ESR1: variants seen among roughly 807,000 people sequenced by gnomAD.
The protein encoded by ESR1 is estrogen receptor.
A neutral mutation model predicts 52.7 loss-of-function variants in ESR1; 12 were observed. The observed-to-expected ratio is 0.23, with a 90% confidence interval of 0.15 to 0.37. The LOEUF is 0.37. Ranked by LOEUF, ESR1 falls within the 10% of genes least tolerant of loss-of-function variation. ESR1 has a pLI of 1.00. For synonymous variants in ESR1, 305 were observed against 316.8 expected (o/e 0.96, Z 0.39); for missense variants, 584 against 779.7 (o/e 0.75, Z 2.99).
At chr6:151,784,377 T>C (rs1786821864) in intron 2 of ESR1, among the ~76,000 whole-genome samples, 1 of 152,220 alleles carries the variant, frequency 6.6e-6, no homozygotes, top group Non-Finnish European at 1.5e-5. Flanking sequence ...GTTCAAATTG[T>C]TCCAGCTTCT....
intron 4 of ESR1, among the ~76,000 whole-genome samples, chr6:151,967,208 AG>A (rs2038367139): frequency 6.6e-6 from 1 of 152,128 alleles, no homozygotes; most frequent in African/African-American, 2.4e-5. Context: ...TTATACTGTA[AG>A]TTCTGGGATA....
intron 5 of ESR1, among the ~76,000 whole-genome samples, chr6:152,028,444 C>G (rs1271959478): frequency 2.6e-5 from 4 of 152,150 alleles, no homozygotes; most frequent in Non-Finnish European, 4.4e-5. Context: ...TCACTCCCAC[C>G]CTAATACTGG....
At chr6:151,885,425 G>A (rs925485736) in intron 3 of ESR1, among the ~76,000 whole-genome samples, 2 of 152,186 alleles carry the variant, frequency 1.3e-5, no homozygotes, top group Non-Finnish European at 2.9e-5. Context: ...ACTCAAGAAT[G>A]TGGCCTTTTT....
chr6:151,908,602 A>G (rs569516317), intron 3 of ESR1, among the ~76,000 whole-genome samples: 2 of 152,292 alleles, frequency 1.3e-5, no homozygotes. Context: ...TTAAAACTGA[A>G]GCGTGGATAA....
At chr6:152,129,400 A>C (rs1183846684) in exon 7 of ESR1, 1 of 152,250 alleles carries the variant, frequency 6.6e-6, no homozygotes, top group Non-Finnish European at 1.5e-5. Flanking sequence ...TTGTGGGGAA[A>C]AGATGGACTA....
intron 2 of ESR1, among the ~76,000 whole-genome samples, chr6:151,703,740 C>T (rs748896369): frequency 2.0e-5 from 3 of 152,186 alleles, no homozygotes; most frequent in Non-Finnish European, 4.4e-5. Context: ...GTATGGATCT[C>T]ATACCATTTT....
chr6:151,742,216 C>T (rs1040443505), intron 2 of ESR1, among the ~76,000 whole-genome samples: 2 of 152,140 alleles, frequency 1.3e-5, no homozygotes, highest in Non-Finnish European at 2.9e-5. Context: ...CTGCAATGAA[C>T]ACGGGGGTGC....
intron 2 of ESR1, among the ~76,000 whole-genome samples, chr6:151,862,503 C>G (rs1406469639): frequency 1.3e-5 from 2 of 152,104 alleles, no homozygotes; most frequent in African/African-American, 2.4e-5. Context: ...CCAGGTGTAG[C>G]ATGAAGGTTA....
At chr6:151,793,487 CAT>C (rs1221788282) in intron 2 of ESR1, among the ~76,000 whole-genome samples, 1 of 152,122 alleles carries the variant, frequency 6.6e-6, no homozygotes, top group Non-Finnish European at 1.5e-5. Flanking sequence ...ATAAATTAGT[CAT>C]ATAGTCATTT....
intron 6 of ESR1, among the ~76,000 whole-genome samples, chr6:152,084,593 A>C (rs1408702871): frequency 6.6e-6 from 1 of 152,110 alleles, no homozygotes; most frequent in Non-Finnish European, 1.5e-5. Context: ...ACACACACAG[A>C]AGTATATCTT....
rs567908056 is a variant in ESR1 at position 151,931,750 on chromosome 6, A to G, written c.761-12423A>G. On this transcript the variant is annotated intron_variant, in intron 3 of 7. Coordinates refer to ENST00000206249, the MANE Select transcript of ESR1 (RefSeq NM_000125.4). The stretch of plus-strand genomic sequence containing the variant: ...AGTTTACTGAGAATGATGATTTCCA[A>G]TTTCATCCATGTCCCTACAAAGGAC... 1.3e-3 allele frequency among the ~76,000 whole-genome samples: 194 copies of G among 144,894 alleles called. 2 individuals carry two copies. The highest frequency in any genetic ancestry group is 4.8e-3 in the African/African-American group (186 of 38,920).
chr6:152,098,602 T>A lies in ESR1; in HGVS notation c.1554-130T>A. 1 of 813,690 alleles carries A rather than the reference T, an allele frequency of 1.2e-6. No individual in the cohort carries two copies. The highest frequency in any genetic ancestry group is 2.1e-6 in the Non-Finnish European group (1 of 486,664). 50.4% of individuals were successfully genotyped at this position (813,690 alleles called of 1,614,324 possible). A position where few individuals can be genotyped will look rare whatever the true frequency, so the allele number is the denominator to read the frequency against. On this transcript the variant is annotated intron_variant, in intron 7 of 7. Coordinates refer to ENST00000206249, the MANE Select transcript of ESR1 (RefSeq NM_000125.4). The surrounding 1 kb of genome is among the most constrained non-coding windows in gnomAD (Gnocchi z 5.1). ...CCCAGCTCCCATCCTAAAGTGGGTC[T>A]TTAAACAGGAAGAAAGAAAGATTGC...
At chr6:151,704,166 G>A (rs1210743288) in intron 2 of ESR1, among the ~76,000 whole-genome samples, 1 of 152,176 alleles carries the variant, frequency 6.6e-6, no homozygotes, top group Non-Finnish European at 1.5e-5. Flanking sequence ...CACCCATGGG[G>A]TTGCCCCCAC....
chr6:151,858,586 T>G (rs377108673), intron 2 of ESR1, among the ~76,000 whole-genome samples: 116 of 150,892 alleles, frequency 7.7e-4, no homozygotes, highest in Non-Finnish European at 1.1e-3. Context: ...TTCCTGTTTT[T>G]TTTTTTTTTT....
exon 7 of ESR1, chr6:152,125,285 AAAG>A: frequency 6.4e-7 from 1 of 1,550,478 alleles, no homozygotes; most frequent in African/African-American, 1.4e-5. Flanking sequence ...ATGTAGAAGC[AAAG>A]AAGAGAATCC....
intron 1 of ESR1, among the ~76,000 whole-genome samples, chr6:151,682,283 C>T (rs559653224): frequency 6.6e-6 from 1 of 152,284 alleles, no homozygotes; most frequent in South Asian, 2.1e-4. Context: ...GAGGCTGATG[C>T]TATTCCAGGT....
chr6:152,116,705 ATTAG>A (rs1230468096), intron 6 of ESR1, among the ~76,000 whole-genome samples: 8 of 151,846 alleles, frequency 5.3e-5, no homozygotes, highest in African/African-American at 7.2e-5. Context: ...ATACTATATT[ATTAG>A]TTATAGTACA....
Position 152,094,592 on chromosome 6 carries a change from C to T in ESR1, c.1553+24C>T, listed in dbSNP as rs775169236. ...AGGTGAGGCATCTGTGGGCTTCCTA[C>T]AGGAGAGACATAAAGAAAACATGCC... On this transcript the variant is annotated intron_variant, in intron 7 of 7. Coordinates refer to ENST00000206249, the MANE Select transcript of ESR1 (RefSeq NM_000125.4). This position sits in a 1 kb window ranked among gnomAD's most constrained non-coding sequence, Gnocchi z 4.6. 3.7e-6 allele frequency: 6 copies of T among 1,609,870 alleles called. No homozygotes were observed. In the South Asian group the frequency reaches 4.4e-5, roughly 12 times the overall value.
At chr6:151,763,433 A>G (rs1362059398) in intron 2 of ESR1, among the ~76,000 whole-genome samples, 1 of 152,232 alleles carries the variant, frequency 6.6e-6, no homozygotes, top group Non-Finnish European at 1.5e-5. Flanking sequence ...ATTACTAGCC[A>G]GTGTTGAAAA....
Sources: allele counts gnomAD v4.1 joint callset (sites outside exome capture counted in the v4.1 genomes callset), GRCh38; gene constraint gnomAD v4.1.1; non-coding constraint Gnocchi (gnomAD v3.1); transcripts MANE v1.5; gene names NCBI Gene and HGNC (gene_info 2026-07-23, HGNC 2026-07-21).